GHR: variants seen among roughly 807,000 people sequenced by gnomAD.
GHR encodes GH receptor.
Under a neutral mutation model 67.1 loss-of-function variants are expected in GHR, and 35 were observed. That is an observed-to-expected ratio of 0.52 (90% confidence interval 0.40 to 0.69). GHR has a LOEUF of 0.69. Ranked by LOEUF, GHR falls within the 30% of genes least tolerant of loss-of-function variation. The pLI, the probability that GHR is intolerant of heterozygous loss-of-function variation, is 0.00. For synonymous variants in GHR, 272 were observed against 269.1 expected, an observed-to-expected ratio of 1.01 and a Z score of -0.10; for missense variants, 792 against 764.6, an observed-to-expected ratio of 1.04 and a Z score of -0.42.
intron 6 of GHR, among the ~76,000 whole-genome samples, chr5:42,706,814 T>C (rs1264108352): frequency 6.6e-6 from 1 of 152,168 alleles, no homozygotes; most frequent in Non-Finnish European, 1.5e-5. Context: ...TGAAGTCAGG[T>C]AATGTGATGC....
intron 1 of GHR, among the ~76,000 whole-genome samples, chr5:42,440,705 A>G (rs1049593307): frequency 6.6e-6 from 1 of 152,224 alleles, no homozygotes; most frequent in Non-Finnish European, 1.5e-5. Flanking sequence ...GAGCTGGTTT[A>G]TGAGTCTGTT....
chr5:42,437,529 AT>A (rs1743380213), intron 1 of GHR, among the ~76,000 whole-genome samples: 3 of 147,946 alleles, frequency 2.0e-5, no homozygotes, highest in African/African-American at 7.5e-5. Context: ...TATTATTTTT[AT>A]ATTTATTTAT....
intron 6 of GHR, among the ~76,000 whole-genome samples, chr5:42,702,209 C>A (rs890468308): frequency 6.6e-6 from 1 of 152,018 alleles, no homozygotes; most frequent in Admixed American, 6.6e-5. Context: ...AACTCTGCAC[C>A]CTGCCCACAA....
At chr5:42,636,487 G>C (rs1754201470) in intron 3 of GHR, among the ~76,000 whole-genome samples, 1 of 152,120 alleles carries the variant, frequency 6.6e-6, no homozygotes, top group South Asian at 2.1e-4. Flanking sequence ...AGTTCTTCTA[G>C]CTTGTAGCCC....
intron 1 of GHR, among the ~76,000 whole-genome samples, chr5:42,434,408 A>G (rs1283637140): frequency 6.6e-6 from 1 of 152,230 alleles, no homozygotes; most frequent in African/African-American, 2.4e-5. Context: ...TGCCAGGGGC[A>G]GTCCTATATA....
intron 5 of GHR, among the ~76,000 whole-genome samples, chr5:42,695,601 C>A (rs997305572): frequency 5.3e-5 from 8 of 152,110 alleles, no homozygotes; most frequent in African/African-American, 1.9e-4. Flanking sequence ...TTTATTAGAT[C>A]TCAGAACAAA....
intron 1 of GHR, among the ~76,000 whole-genome samples, chr5:42,492,686 G>GA (rs929141447): frequency 2.0e-5 from 3 of 152,242 alleles, no homozygotes; most frequent in Non-Finnish European, 2.9e-5. Flanking sequence ...TACTGATTTA[G>GA]AAAAAATCTT....
At chr5:42,581,982 G>A (rs1360540839) in intron 2 of GHR, among the ~76,000 whole-genome samples, 1 of 152,258 alleles carries the variant, frequency 6.6e-6, no homozygotes, top group Admixed American at 6.5e-5. Flanking sequence ...TCATGGCCAA[G>A]CCTGGATGCT....
At chr5:42,562,595 G>A (rs80110687) in intron 1 of GHR, among the ~76,000 whole-genome samples, 3,510 of 150,336 alleles carry the variant, frequency 0.023, 143 homozygotes, top group African/African-American at 0.081. Flanking sequence ...TTTTGATAGA[G>A]CACATTCTAT....
At chr5:42,555,888 T>C (rs571555860) in intron 1 of GHR, among the ~76,000 whole-genome samples, 12 of 152,242 alleles carry the variant, frequency 7.9e-5, no homozygotes, top group Admixed American at 5.2e-4. Flanking sequence ...CAGTGCAGGA[T>C]TTGGCTTATA....
Position 42,657,408 on chromosome 5 carries a change from C to T in GHR, c.136+28305C>T, listed in dbSNP as rs568959494. 2.6e-5 allele frequency among the ~76,000 whole-genome samples: 4 copies of T among 152,206 alleles called. No individual in the cohort carries two copies. In the East Asian group the frequency reaches 5.8e-4, roughly 22 times the overall value. On this transcript the variant is annotated intron_variant, in intron 3 of 9. Transcript: ENST00000230882. ...TCCTTTTTAATGCCAGAAATGAATA[C>T]GGCTTCTCTAGTTCTTCTAAGTGGC...
chr5:42,577,461 A>G (rs1453808431), intron 2 of GHR, among the ~76,000 whole-genome samples: 1 of 152,140 alleles, frequency 6.6e-6, no homozygotes, highest in African/African-American at 2.4e-5. Flanking sequence ...GTTATGCGAA[A>G]CGAAAGGTAT....
intron 1 of GHR, among the ~76,000 whole-genome samples, chr5:42,435,054 A>G (rs1743263039): frequency 6.6e-6 from 1 of 152,216 alleles, no homozygotes; most frequent in Admixed American, 6.5e-5. Context: ...TGCCTGGCAC[A>G]TATTGGGCAC....
At chr5:42,671,360 C>T (rs1756286362) in intron 3 of GHR, among the ~76,000 whole-genome samples, 1 of 152,088 alleles carries the variant, frequency 6.6e-6, no homozygotes, top group Non-Finnish European at 1.5e-5. Context: ...TCACTCACTA[C>T]TGCAAGGACA....
At chr5:42,650,073 TTAAGTGA>T (rs1294143717) in intron 3 of GHR, among the ~76,000 whole-genome samples, 4 of 152,110 alleles carry the variant, frequency 2.6e-5, no homozygotes, top group Admixed American at 6.6e-5. Context: ...TAAATTTATC[TTAAGTGA>T]CCCAGGGAAG....
chr5:42,573,000 T>C (rs919731071), intron 2 of GHR, among the ~76,000 whole-genome samples: 5 of 152,202 alleles, frequency 3.3e-5, no homozygotes, highest in Admixed American at 6.5e-5. Flanking sequence ...GTTTAATTGG[T>C]TTCAAATAAC....
intron 4 of GHR, among the ~76,000 whole-genome samples, chr5:42,692,362 C>G (rs1757458414): frequency 6.6e-6 from 1 of 151,946 alleles, no homozygotes; most frequent in Non-Finnish European, 1.5e-5. Flanking sequence ...AGTCTGGGAG[C>G]AAACCTAAAG....
At position 42,495,075 on chromosome 5, in the gene GHR, ACG is replaced by A. The variant is rs1330330294; in HGVS notation, c.-11-70787_-11-70786del. Among the ~76,000 whole-genome samples the A allele has an allele frequency of 1.3e-3, 9 of 6,766 alleles. No individual in the cohort carries two copies. The Non-Finnish European group carries it at 0.015, about 11-fold the overall frequency. 4.4% of individuals were successfully genotyped at this position (6,766 alleles called of 152,430 possible). On this transcript the variant is annotated intron_variant, in intron 1 of 9. Coordinates refer to ENST00000230882, the MANE Select transcript of GHR (RefSeq NM_000163.5). ...ACTAAGTGACACATTGCCAATTCCCACGCCCCCCCCCCATTTTCTTTGATGGA... is the reference window on the plus strand; with the variant it reads ...ACTAAGTGACACATTGCCAATTCCCACCCCCCCCCCATTTTCTTTGATGGA...
chr5:42,448,411 T>C (rs536866464), intron 1 of GHR, among the ~76,000 whole-genome samples: 107 of 152,222 alleles, frequency 7.0e-4, no homozygotes, highest in African/African-American at 2.5e-3. Flanking sequence ...AATTGTCTAT[T>C]CATGTCCTTT....
Sources: gnomAD v4.1 joint callset for allele counts (sites outside exome capture counted in the v4.1 genomes callset) on GRCh38, gnomAD v4.1.1 for gene constraint, MANE v1.5 for transcripts, NCBI Gene and HGNC (gene_info 2026-07-23, HGNC 2026-07-21) for gene names.